Variants in PTCHD4 observed in about 807,000 individuals in gnomAD.
PTCHD4 encodes the protein patched domain containing 4.
PTCHD4 carries 33 observed loss-of-function variants against 58.1 expected under a neutral mutation model. The observed-to-expected ratio is 0.57, with a 90% CI of 0.43 to 0.76. PTCHD4 has a LOEUF of 0.76. Ranked by LOEUF, PTCHD4 falls within the 30% of genes least tolerant of loss-of-function variation. The pLI, the probability that PTCHD4 is intolerant of heterozygous loss-of-function variation, is 0.00. For synonymous variants in PTCHD4, 478 were observed against 409.6 expected (o/e 1.17, Z -2.02); for missense variants, 1,058 against 1,027.1 (o/e 1.03, Z -0.41).
chr6:47,988,997 G>A (rs1439474411), intron 4 of PTCHD4, among the ~76,000 whole-genome samples: 3 of 152,206 alleles, frequency 2.0e-5, no homozygotes, highest in Non-Finnish European at 4.4e-5. Context: ...CTAGAGACTT[G>A]TTGAATGGTT....
chr6:47,927,758 T>TTTTA (rs745971477), intron 4 of PTCHD4, among the ~76,000 whole-genome samples: 20 of 151,896 alleles, frequency 1.3e-4, no homozygotes, highest in Non-Finnish European at 2.1e-4. Flanking sequence ...GTCAATGGTT[T>TTTTA]TTTATTTATT....
chr6:47,940,592 G>A (rs1460527730), intron 4 of PTCHD4, among the ~76,000 whole-genome samples: 3 of 152,100 alleles, frequency 2.0e-5, no homozygotes, highest in African/African-American at 7.2e-5. Context: ...ACCATAAATA[G>A]TTAAAGCCTT....
chr6:48,074,591 C>G (rs1765027985), intron 1 of PTCHD4, among the ~76,000 whole-genome samples: 1 of 152,236 alleles, frequency 6.6e-6, no homozygotes, highest in Non-Finnish European at 1.5e-5. Flanking sequence ...TGAAGCCAAT[C>G]TGGACTCACA....
Position 48,069,878 on chromosome 6 carries a change from G to A in PTCHD4, c.-921C>T, listed in dbSNP as rs1764941876. Among the ~76,000 whole-genome samples the A allele has an allele frequency of 6.6e-6, 1 of 152,052 alleles. No homozygotes were observed. On this transcript the variant is annotated 5_prime_UTR_variant, in exon 2 of 5. Transcript: ENST00000339488. Reference sequence around the variant, plus strand: ...CTGGTTCAGGCTAATTTTCCCCTGTGAGTGGAATTCCAGAAACAGACACTT... The same window carrying A: ...CTGGTTCAGGCTAATTTTCCCCTGTAAGTGGAATTCCAGAAACAGACACTT...
chr6:48,032,407 C>A (rs1763478259), intron 3 of PTCHD4, among the ~76,000 whole-genome samples: 1 of 151,768 alleles, frequency 6.6e-6, no homozygotes, highest in African/African-American at 2.4e-5. Context: ...TCTCTCTCTC[C>A]CTCTCTCTGT....
chr6:48,102,200 A>G lies in PTCHD4; in HGVS notation c.-970+8849T>C, dbSNP rs150918507. Among the ~76,000 whole-genome samples the G allele has an allele frequency of 1.6e-3, 240 of 152,294 alleles. 1 individual carries two copies. The highest frequency in any genetic ancestry group is 2.7e-3 in the Admixed American group (41 of 15,294). On this transcript the variant is annotated intron_variant, in intron 1 of 4. Coordinates refer to ENST00000339488, the MANE Select transcript of PTCHD4 (RefSeq NM_001384253.1). Reference sequence around the variant, plus strand: ...CACTCTTCTTCCTTGTAGGAGAGAGACAGTGGTTGTGATTCTTCAGCAAAG... The same window carrying G: ...CACTCTTCTTCCTTGTAGGAGAGAGGCAGTGGTTGTGATTCTTCAGCAAAG...
intron 4 of PTCHD4, among the ~76,000 whole-genome samples, chr6:47,997,688 G>A (rs1768552242): frequency 6.6e-6 from 1 of 152,098 alleles, no homozygotes; most frequent in South Asian, 2.1e-4. Flanking sequence ...TCTTGGTCTG[G>A]ATTAAGACAT....
At chr6:48,109,554 G>C (rs1237155033) in intron 1 of PTCHD4, among the ~76,000 whole-genome samples, 1 of 151,766 alleles carries the variant, frequency 6.6e-6, no homozygotes, top group Admixed American at 6.6e-5. Context: ...ATAAACAAGT[G>C]GGACTACATC....
chr6:48,060,075 C>A (rs527487311), intron 3 of PTCHD4, among the ~76,000 whole-genome samples: 2 of 152,174 alleles, frequency 1.3e-5, no homozygotes, highest in Non-Finnish European at 2.9e-5. Flanking sequence ...CTCAAGCTCC[C>A]GGAGGGCAAG....
At chr6:47,889,071 G>A (rs539609736) in intron 4 of PTCHD4, among the ~76,000 whole-genome samples, 28 of 31,846 alleles carry the variant, frequency 8.8e-4, no homozygotes, top group Non-Finnish European at 1.1e-3. Context: ...TGGACATTTG[G>A]GTTGGTTCCA....
At chr6:48,016,997 C>CAGA (rs1345426906) in intron 3 of PTCHD4, among the ~76,000 whole-genome samples, 2 of 152,188 alleles carry the variant, frequency 1.3e-5, no homozygotes, top group African/African-American at 2.4e-5. Flanking sequence ...TTCCATGAGG[C>CAGA]AGACACTGCA....
intron 4 of PTCHD4, among the ~76,000 whole-genome samples, chr6:47,959,301 G>A (rs1388836107): frequency 6.6e-6 from 1 of 152,138 alleles, no homozygotes; most frequent in African/African-American, 2.4e-5. Flanking sequence ...ATACTGTATA[G>A]GATTAAGGGC....
intron 4 of PTCHD4, among the ~76,000 whole-genome samples, chr6:47,941,130 T>C (rs1370544008): frequency 6.6e-6 from 1 of 152,228 alleles, no homozygotes; most frequent in Non-Finnish European, 1.5e-5. Flanking sequence ...GCTGTACACA[T>C]GGGAACTACA....
intron 1 of PTCHD4, among the ~76,000 whole-genome samples, chr6:48,088,016 AGTAAGACT>A (rs967429700): frequency 6.6e-6 from 1 of 152,202 alleles, no homozygotes; most frequent in Non-Finnish European, 1.5e-5. Flanking sequence ...GCTGCAGTAA[AGTAAGACT>A]GTAGCCATAA....
intron 4 of PTCHD4, among the ~76,000 whole-genome samples, chr6:47,948,038 T>G (rs1321427202): frequency 6.6e-6 from 1 of 152,170 alleles, no homozygotes; most frequent in Non-Finnish European, 1.5e-5. Flanking sequence ...CTCAAAAAAT[T>G]TGTATGGGTC....
Position 47,878,254 on chromosome 6 carries a change from A to C in PTCHD4, c.*49T>G. 1 of 1,494,154 alleles carries C rather than the reference A, an allele frequency of 6.7e-7. No individual in the cohort carries two copies. Among genetic ancestry groups the C allele is most frequent in the East Asian group, 2.3e-5 (1 of 44,186 alleles). 92.6% of individuals were successfully genotyped at this position (1,494,154 alleles called of 1,614,324 possible). On this transcript the variant is annotated 3_prime_UTR_variant, in exon 5 of 5. Transcript: ENST00000339488. The stretch of plus-strand genomic sequence containing the variant: ...GAGGTCTGAGCTTTACTTGCCCTGC[A>C]TCATTGTGCAATACTGGAAAAGAAA...
intron 3 of PTCHD4, among the ~76,000 whole-genome samples, chr6:48,053,045 T>C (rs777051510): frequency 5.3e-5 from 8 of 152,216 alleles, no homozygotes; most frequent in African/African-American, 1.7e-4. Context: ...TTTCCTCTAA[T>C]TGATATTATG....
intron 3 of PTCHD4, among the ~76,000 whole-genome samples, chr6:48,058,578 T>C (rs1044191715): frequency 2.6e-5 from 4 of 152,066 alleles, no homozygotes; most frequent in African/African-American, 9.7e-5. Context: ...TTAAAAAATA[T>C]GCTTATGGGA....
intron 3 of PTCHD4, among the ~76,000 whole-genome samples, chr6:48,020,612 CAAAT>C (rs1362362330): frequency 6.6e-6 from 1 of 151,906 alleles, no homozygotes; most frequent in Non-Finnish European, 1.5e-5. Flanking sequence ...AAGATAAAGA[CAAAT>C]AAAGGGAGGA....
Sources: gnomAD v4.1 joint callset for allele counts (sites outside exome capture counted in the v4.1 genomes callset) on GRCh38, gnomAD v4.1.1 for gene constraint, MANE v1.5 for transcripts, NCBI Gene and HGNC (gene_info 2026-07-23, HGNC 2026-07-21) for gene names.